Variants in IRS2 observed in about 807,000 individuals in gnomAD.
IRS2 encodes insulin receptor substrate 2.
IRS2 carries 28 observed loss-of-function variants against 70.9 expected under a neutral mutation model. The ratio of observed to expected loss-of-function variants is 0.39; its 90% CI spans 0.29 to 0.54. The LOEUF (loss-of-function observed/expected upper bound fraction) is 0.54. Among genes scored for constraint, IRS2 ranks in the 20% least tolerant of loss-of-function variants. The probability of loss-of-function intolerance (pLI) is 0.59; values close to 1 mark genes in which losing one functional copy is unlikely to be tolerated. For missense variants in IRS2, 2,081 were observed against 2,024.1 expected, an observed-to-expected ratio of 1.03 and a Z score of -0.54; for synonymous variants, 1,217 against 981.9, an observed-to-expected ratio of 1.24 and a Z score of -4.48.
At chr13:109,762,889 AC>A (rs999080031) in intron 1 of IRS2, among the ~76,000 whole-genome samples, 21 of 152,346 alleles carry the variant, frequency 1.4e-4, no homozygotes, top group Middle Eastern at 3.4e-3. Flanking sequence ...ACTGCGTGAG[AC>A]CCAGAAGAAA....
chr13:109,780,835 T>G (rs73608710), intron 1 of IRS2, among the ~76,000 whole-genome samples: 4,588 of 152,056 alleles, frequency 0.03, 217 homozygotes, highest in African/African-American at 0.1. Context: ...TTAAATAAAG[T>G]CTCCCGAATT....
In IRS2 at chr13:109,782,746, G is replaced by A. The variant is rs2138930564; in HGVS notation, c.3308C>T (p.Ser1103Leu). ...CATGAGGCTCAGCCTCTTCACGCCC[G>A]ACGTCGGGCTGGCCACGCGGGCAGC... ...PEAARVASPT[S>L]GVKRLSLMEQ... The change falls in exon 1 of 2, where the codon TCG (serine) becomes TTG (leucine). Residue 1103 changes from serine (S) to leucine (L), a missense_variant. Coordinates refer to ENST00000375856, the MANE Select transcript of IRS2 (RefSeq NM_003749.3). 1 of 1,599,572 alleles carries A rather than the reference G, an allele frequency of 6.3e-7. No individual in the cohort carries two copies. Among genetic ancestry groups the A allele is most frequent in the Non-Finnish European group, 8.5e-7 (1 of 1,173,590 alleles).
intron 1 of IRS2, among the ~76,000 whole-genome samples, chr13:109,769,230 T>C (rs907965352): frequency 6.6e-6 from 1 of 152,180 alleles, no homozygotes; most frequent in East Asian, 1.9e-4. Flanking sequence ...ACCACCACCA[T>C]GATGATGGAA....
rs11397558 is a variant in IRS2 at position 109,752,960 on chromosome 13, CT to C, written c.*3343del. 0.092 allele frequency: 11,100 copies of C among 120,184 alleles called. 962 individuals are homozygous for C. The highest frequency in any genetic ancestry group is 0.26 in the African/African-American group (8,274 of 31,334). The allele number at this position is 120,184 out of a possible 1,614,324, so 7.4% of individuals were successfully genotyped here. A position where few individuals can be genotyped will look rare whatever the true frequency, so the allele number is the denominator to read the frequency against. Reference sequence around the variant, plus strand: ...GTGTCATGGAGGCAGCATTCTTCTTCTTTTTTTTTTTTTTTTTTGAGACGGA... The same window carrying C: ...GTGTCATGGAGGCAGCATTCTTCTTCTTTTTTTTTTTTTTTTTGAGACGGA... On this transcript the variant is annotated 3_prime_UTR_variant, in exon 2 of 2. Transcript: ENST00000375856.
Position 109,782,583 on chromosome 13 carries a change from C to A in IRS2, c.3471G>T (p.Thr1157=). The change falls in exon 1 of 2, where the codon ACG becomes ACT. Residue 1157 remains threonine (T), a synonymous_variant. Coordinates refer to ENST00000375856, the MANE Select transcript of IRS2 (RefSeq NM_003749.3). ...HSSETFSSTT[T]VTPVSPSFAH... ...CGAAGGACGGGGACACGGGGGTGACCGTCGTGGTGGAGGAGAAGGTCTCGG... is the reference window on the plus strand; with the variant it reads ...CGAAGGACGGGGACACGGGGGTGACAGTCGTGGTGGAGGAGAAGGTCTCGG... The A allele has an allele frequency of 6.4e-7, 1 of 1,574,074 alleles. No homozygotes were observed. The highest frequency in any genetic ancestry group is 8.6e-7 in the Non-Finnish European group (1 of 1,160,656).
At chr13:109,763,170 C>G (rs534402457) in intron 1 of IRS2, among the ~76,000 whole-genome samples, 1 of 152,174 alleles carries the variant, frequency 6.6e-6, no homozygotes, top group Non-Finnish European at 1.5e-5. Flanking sequence ...GCAACCTTTA[C>G]TAAGGAAGAC....
Position 109,782,192 on chromosome 13 carries a change from G to A in IRS2, c.3862C>T (p.Arg1288Ter), listed in dbSNP as rs2138929053. 1 of 1,605,828 alleles carries A rather than the reference G, an allele frequency of 6.2e-7. No homozygotes were observed. Among genetic ancestry groups the A allele is most frequent in the African/African-American group, 1.3e-5 (1 of 74,926 alleles). The change falls in exon 1 of 2, where the codon CGA (arginine) becomes TGA (stop). Residue 1288 changes from arginine (R) to a stop codon, truncating the protein, a stop_gained. Coordinates refer to ENST00000375856, the MANE Select transcript of IRS2 (RefSeq NM_003749.3). LOFTEE classifies it high-confidence loss of function. Reference sequence around the variant, plus strand: ...GCGCTGATGAGACCCCCGAGGCTTCGGGTCCGGCCCCAGGAGCTCTTGTCT... The same window carrying A: ...GCGCTGATGAGACCCCCGAGGCTTCAGGTCCGGCCCCAGGAGCTCTTGTCT... Reference protein sequence around the residue: ...PGDKSSWGRTRSLGGLISAVG... With the variant: ...PGDKSSWGRT
chr13:109,781,980 G>C, intron 1 of IRS2, 62 bp downstream of exon 1: 1 of 1,569,438 alleles, frequency 6.4e-7, no homozygotes, highest in Non-Finnish European at 8.7e-7. Flanking sequence ...TGAAACCCAA[G>C]AGGCTCCCTC....
chr13:109,782,138 A>C lies in IRS2; in HGVS notation c.3916T>G (p.Cys1306Gly), dbSNP rs752571945. 13 of 1,584,224 alleles carry C rather than the reference A, an allele frequency of 8.2e-6. No individual in the cohort carries two copies. The highest frequency in any genetic ancestry group is 2.4e-5 in the East Asian group (1 of 42,506). ...AGGGCACCGGGACCCGGCCCCCCGCACCCGCCGCCGGTGCTGCCGACGCCC... is the reference window on the plus strand; with the variant it reads ...AGGGCACCGGGACCCGGCCCCCCGCCCCCGCCGCCGGTGCTGCCGACGCCC... ...AVGVGSTGGGCGGPGPGALPP... is the reference protein window; with the variant it reads ...AVGVGSTGGGGGGPGPGALPP... The change falls in exon 1 of 2, where the codon TGC (cysteine) becomes GGC (glycine). Residue 1306 changes from cysteine (C) to glycine (G), a missense_variant. Transcript: ENST00000375856.
intron 1 of IRS2, among the ~76,000 whole-genome samples, chr13:109,761,540 A>G (rs1877226741): frequency 6.6e-6 from 1 of 151,852 alleles, no homozygotes; most frequent in Non-Finnish European, 1.5e-5. Context: ...AATAAACCCG[A>G]TAATTTAGTA....
rs781407949 is a variant in IRS2, at chr13:109,783,777, C to T, written c.2277G>A (p.Lys759=). 6.3e-7 allele frequency: 1 copy of T among 1,597,576 alleles called. No homozygotes were observed. The highest frequency in any genetic ancestry group is 1.1e-5 in the South Asian group (1 of 88,798). The change falls in exon 1 of 2, where the codon AAG becomes AAA. Residue 759 remains lysine, a synonymous_variant. Transcript: ENST00000375856. ...SKLSMEHADG[K]LLPNGDYLNV... is the part of the protein sequence containing the mutation. ...TGAGGTAGTCCCCGTTGGGCAGCAGCTTGCCATCTGCATGCTCCATGGACA... is the reference window on the plus strand; with the variant it reads ...TGAGGTAGTCCCCGTTGGGCAGCAGTTTGCCATCTGCATGCTCCATGGACA...
rs867631791 is a variant in IRS2 at position 109,758,762 on chromosome 13, A to G, written c.4013-2454T>C. 4.6e-5 allele frequency among the ~76,000 whole-genome samples: 7 copies of G among 151,848 alleles called. No individual in the cohort carries two copies. In the Middle Eastern group the frequency reaches 0.014, roughly 295 times the overall value. ...CATTTATTCATGCAATGACCTTTCA[A>G]CAATTTTCTTTTTTTAATTCTACTC... On this transcript the variant is annotated intron_variant, in intron 1 of 1. Transcript: ENST00000375856.
chr13:109,779,942 T>A (rs1877660538), intron 1 of IRS2, among the ~76,000 whole-genome samples: 1 of 152,188 alleles, frequency 6.6e-6, no homozygotes, highest in African/African-American at 2.4e-5. Context: ...GAGTTCAACA[T>A]TTTCACTAGC....
intron 1 of IRS2, among the ~76,000 whole-genome samples, chr13:109,757,264 T>G (rs1877127803): frequency 6.6e-6 from 1 of 152,244 alleles, no homozygotes. Context: ...CTGTTCATTT[T>G]CATCACTCAG....
At chr13:109,770,787 C>T (rs958183239) in intron 1 of IRS2, among the ~76,000 whole-genome samples, 3 of 152,232 alleles carry the variant, frequency 2.0e-5, no homozygotes, top group Non-Finnish European at 4.4e-5. Context: ...GACATCTACT[C>T]TTGTGCTGAC....
intron 1 of IRS2, among the ~76,000 whole-genome samples, chr13:109,780,433 A>G (rs187711658): frequency 2.0e-5 from 3 of 152,198 alleles, no homozygotes; most frequent in South Asian, 4.1e-4. Context: ...GCGACTTCCA[A>G]TGATTTAATT....
Position 109,782,950 on chromosome 13 carries a change from G to T in IRS2, c.3104C>A (p.Pro1035Gln). The T allele has an allele frequency of 7.0e-7, 1 of 1,434,174 alleles. No homozygotes were observed. The highest frequency in any genetic ancestry group is 9.1e-7 in the Non-Finnish European group (1 of 1,098,676). The allele number at this position is 1,434,174 out of a possible 1,614,324, so 88.8% of individuals were successfully genotyped here. A position where few individuals can be genotyped will look rare whatever the true frequency, so the allele number is the denominator to read the frequency against. Residue 1035 changes from proline (P) to glutamine (Q), a missense_variant, in exon 1 of 2, where the codon CCG (proline) becomes CAG (glutamine). Around this residue, in one of 4 missense-constraint regions of IRS2, gnomAD observed 1,615 missense variants for 1,459.5 expected, o/e 1.11. Coordinates refer to ENST00000375856, the MANE Select transcript of IRS2 (RefSeq NM_003749.3). ...PSSSLQPPPP[P>Q]PAPGELYRLP... is the part of the protein sequence containing the mutation. ...GCGGTACAGCTCCCCCGGGGCCGGC[G>T]GCGGTGGCGGCGGCTGCAGAGACGA...
At chr13:109,777,936 C>A (rs1251996251) in intron 1 of IRS2, among the ~76,000 whole-genome samples, 3 of 152,080 alleles carry the variant, frequency 2.0e-5, no homozygotes, top group South Asian at 2.1e-4. Flanking sequence ...GAGCCTGGAG[C>A]GGAACTAGCA....
At position 109,785,354 on chromosome 13, in the gene IRS2, C is replaced by T. The variant is rs1302749652; in HGVS notation, c.700G>A (p.Glu234Lys). The change falls in exon 1 of 2, where the codon GAG (glutamate) becomes AAG (lysine). Residue 234 changes from glutamate (E) to lysine (K), a missense_variant. Around this residue, in one of 4 missense-constraint regions of IRS2, gnomAD observed 320 missense variants for 352.9 expected, o/e 0.91. Transcript: ENST00000375856. The surrounding 1 kb of genome is among the most constrained non-coding windows in gnomAD (Gnocchi z 9.3). Reference protein sequence around the residue: ...RTIGFVKLNCEQPSVTLQLMN... With the variant: ...RTIGFVKLNCKQPSVTLQLMN... Reference sequence around the variant, plus strand: ...AGCTGCAGCGTCACCGACGGCTGCTCGCAGTTGAGCTTCACGAAGCCGATG... The same window carrying T: ...AGCTGCAGCGTCACCGACGGCTGCTTGCAGTTGAGCTTCACGAAGCCGATG... The T allele has an allele frequency of 1.2e-6, 2 of 1,611,960 alleles. No homozygotes were observed. Among genetic ancestry groups the T allele is most frequent in the Non-Finnish European group, 8.5e-7 (1 of 1,179,714 alleles).
Sources: gnomAD v4.1 joint callset for allele counts (sites outside exome capture counted in the v4.1 genomes callset) on GRCh38, gnomAD v4.1.1 for gene constraint, gnomAD v4.1.1 regional missense constraint, Gnocchi (gnomAD v3.1) non-coding constraint, MANE v1.5 for transcripts, NCBI Gene and HGNC (gene_info 2026-07-23, HGNC 2026-07-21) for gene names.